Variants in SLC35A2 observed in about 807,000 individuals in gnomAD.
SLC35A2 encodes UDP-galactose translocator.
A neutral mutation model predicts 17.3 loss-of-function variants in SLC35A2; 1 was observed. The ratio of observed to expected loss-of-function variants is 0.06; its 90% CI spans 0.02 to 0.27. The LOEUF is 0.27. SLC35A2 is among the 10% of genes least tolerant of loss of function. SLC35A2 has a pLI of 1.00. For missense variants in SLC35A2, 191 were observed against 339.3 expected (o/e 0.56, Z 3.43); for synonymous variants, 161 against 161.3 (o/e 1.00, Z 0.01).
At position 48,906,362 on chromosome X, in the gene SLC35A2, CT is replaced by C. The variant is rs1569511255; in HGVS notation, c.426+29del. The C allele has an allele frequency of 2.5e-6, 3 of 1,199,613 alleles. No individual in the cohort carries two copies. In the East Asian group the frequency reaches 8.9e-5, roughly 36 times the overall value. On this transcript the variant is annotated intron_variant, in intron 3 of 4. Transcript: ENST00000247138. ...CTCCAGTCCCCAACCCAGTTAGTTCCTCTGGGGCCATGCTGGGCTTGGGGCT... is the reference window on the plus strand; with the variant it reads ...CTCCAGTCCCCAACCCAGTTAGTTCCCTGGGGCCATGCTGGGCTTGGGGCT...
Position 48,910,234 on chromosome X carries a change from C to A in SLC35A2, c.92-238G>T, listed in dbSNP as rs782447918. On this transcript the variant is annotated intron_variant, in intron 1 of 4. Transcript: ENST00000247138. Reference sequence around the variant, plus strand: ...GGCCCCACCCTGTCCCAGTCCATACCTGGAATCCTTACTGAGGTGTCAGGT... The same window carrying A: ...GGCCCCACCCTGTCCCAGTCCATACATGGAATCCTTACTGAGGTGTCAGGT... 16 of 1,139,938 alleles carry A rather than the reference C, an allele frequency of 1.4e-5. No homozygotes were observed. In the South Asian group the frequency reaches 3.1e-4, roughly 22 times the overall value. 93.9% of individuals were successfully genotyped at this position (1,139,938 alleles called of 1,213,427 possible).
At chrX:48,905,543 G>T in intron 3 of SLC35A2, 61 bp from the exon 4 acceptor site, 1 of 1,041,739 alleles carries the variant, frequency 9.6e-7, no homozygotes, top group Non-Finnish European at 1.3e-6. Flanking sequence ...GTGCACATGG[G>T]GGGCAGCACC....
chrX:48,906,312 A>ACC, intron 3 of SLC35A2, 80 bp downstream of exon 3: 2 of 937,337 alleles, frequency 2.1e-6, no homozygotes, highest in Non-Finnish European at 3.0e-6. Flanking sequence ...CCTCTGCAAC[A>ACC]CCCCCCCACC....
At chrX:48,905,949 C>A in intron 3 of SLC35A2, 1 of 289,898 alleles carries the variant, frequency 3.4e-6, no homozygotes, top group Non-Finnish European at 6.0e-6. Context: ...TCTCACAACA[C>A]CATTCTGAAG....
Position 48,903,910 on chromosome X carries a change from ATGAT to A in SLC35A2, c.1164-449_1164-446del, listed in dbSNP as rs35420953. On this transcript the variant is annotated intron_variant, in intron 4 of 4. Transcript: ENST00000247138. ...ACACAGCCAGACGGATATCAAGAGTATGATTGGTAGCTTTTTCCTCTCCTAGACA... is the reference window on the plus strand; with the variant it reads ...ACACAGCCAGACGGATATCAAGAGTATGGTAGCTTTTTCCTCTCCTAGACA... The A allele has an allele frequency of 1.6e-3, 1,232 of 769,371 alleles. 1 individual carries two copies. Among genetic ancestry groups the A allele is most frequent in the Non-Finnish European group, 1.8e-3 (1,156 of 650,326 alleles). The allele number at this position is 769,371 out of a possible 1,213,427, so 63.4% of individuals were successfully genotyped here.
chrX:48,911,938 C>T (rs1557044245), upstream of SLC35A2: 100 of 1,165,669 alleles, frequency 8.6e-5, no homozygotes, highest in Non-Finnish European at 5.7e-6. Context: ...ACTGATCGCG[C>T]TTTCCAGATC....
chrX:48,903,338 CT>C lies in SLC35A2; in HGVS notation c.*99del. The C allele has an allele frequency of 1.8e-6, 1 of 571,320 alleles. No individual in the cohort carries two copies. The highest frequency in any genetic ancestry group is 3.1e-6 in the Non-Finnish European group (1 of 319,624). 47.1% of individuals were successfully genotyped at this position (571,320 alleles called of 1,213,427 possible). Reference sequence around the variant, plus strand: ...GTGGTGGGGACAGGGAGTCCAGTGTCTACCTCACTCTACCCCTAATACTGAT... The same window carrying C: ...GTGGTGGGGACAGGGAGTCCAGTGTCACCTCACTCTACCCCTAATACTGAT... On this transcript the variant is annotated 3_prime_UTR_variant, in exon 5 of 5. Transcript: ENST00000247138.
intron 1 of SLC35A2, among the ~76,000 whole-genome samples, chrX:48,910,530 T>C (rs1037991137): frequency 9.0e-6 from 1 of 111,690 alleles, no homozygotes; most frequent in East Asian, 2.8e-4. Context: ...CTGTCTCATG[T>C]AAAGAATAAC....
At chrX:48,907,393 G>A (rs1161164102) in intron 2 of SLC35A2, among the ~76,000 whole-genome samples, 8 of 107,331 alleles carry the variant, frequency 7.5e-5, no homozygotes, top group African/African-American at 1.7e-4. Context: ...GACTACAGGC[G>A]CGTGCCACCA....
At chrX:48,905,602 A>G (rs965210872) in intron 3 of SLC35A2, 120 bp from the exon 4 acceptor site, 13 of 606,580 alleles carry the variant, frequency 2.1e-5, no homozygotes, top group African/African-American at 4.5e-5. Context: ...GGGGTATGAC[A>G]GCAAAAACAG....
intron 2 of SLC35A2, among the ~76,000 whole-genome samples, chrX:48,908,818 T>A (rs2063511097): frequency 1.8e-5 from 2 of 112,094 alleles, no homozygotes; most frequent in African/African-American, 6.5e-5. Context: ...TTCTCTTCAA[T>A]GTAAACAAAG....
chrX:48,911,722 G>A (rs1006985677), upstream of SLC35A2: 35 of 1,154,380 alleles, frequency 3.0e-5, no homozygotes, highest in Non-Finnish European at 4.0e-5. Context: ...CCTGAGTGAA[G>A]GTGGAGCGAG....
intron 4 of SLC35A2, chrX:48,904,467 C>G (rs2063470169): frequency 9.1e-7 from 1 of 1,096,784 alleles, no homozygotes; most frequent in African/African-American, 1.9e-5. Context: ...CCCAACCCTG[C>G]CTCCAAAGAG....
intron 1 of SLC35A2, 173 bp from the exon 2 acceptor site, chrX:48,910,169 T>C (rs782428095): frequency 8.1e-4 from 759 of 938,754 alleles, no homozygotes; most frequent in Admixed American, 1.5e-3. Flanking sequence ...ACCGGCTTAC[T>C]GCCTCAGCCA....
intron 4 of SLC35A2, chrX:48,904,238 G>C (rs1457712456): frequency 3.4e-6 from 3 of 875,057 alleles, no homozygotes; most frequent in Non-Finnish European, 4.2e-6. Flanking sequence ...ACATGATCCA[G>C]AGCGGTGGTA....
chrX:48,904,710 C>T (rs1557042591), intron 4 of SLC35A2, 36 bp downstream of exon 4: 20 of 1,211,443 alleles, frequency 1.7e-5, no homozygotes, highest in South Asian at 5.3e-5. Flanking sequence ...CTTGTGTCCC[C>T]CCATTGCTGC....
chrX:48,903,313 G>C lies in SLC35A2; in HGVS notation c.*125C>G, dbSNP rs1030376983. 39 of 615,086 alleles carry C rather than the reference G, an allele frequency of 6.3e-5. No homozygotes were observed. In the African/African-American group the frequency reaches 7.7e-4, roughly 12 times the overall value. The allele number at this position is 615,086 out of a possible 1,213,427, so 50.7% of individuals were successfully genotyped here. ...CATGTTGGCCCTGGGTGGGGCAGGG[G>C]TGGTGGGGACAGGGAGTCCAGTGTC... On this transcript the variant is annotated 3_prime_UTR_variant, in exon 5 of 5. Coordinates refer to ENST00000247138, the MANE Select transcript of SLC35A2 (RefSeq NM_005660.3).
rs1199079627 is a variant in SLC35A2 at position 48,909,987 on chromosome X, C to A, written c.101G>T (p.Arg34Leu). 2 of 1,206,207 alleles carry A rather than the reference C, an allele frequency of 1.7e-6. No individual in the cohort carries two copies. Among genetic ancestry groups the A allele is most frequent in the African/African-American group, 3.5e-5 (2 of 57,211 alleles). ...CACAGCTAGGGATATGTACTTCAGGCGCCTGTGAGCTGTGGGGAACGGAAG... is the reference window on the plus strand; with the variant it reads ...CACAGCTAGGGATATGTACTTCAGGAGCCTGTGAGCTGTGGGGAACGGAAG... ...EPGTASAAHR[R>L]LKYISLAVLV... Residue 34 changes from arginine (R) to leucine (L), a missense_variant, in exon 2 of 5, where the codon CGC (arginine) becomes CTC (leucine). Physicochemically the swap from Arg to Leu is moderately radical, Grantham distance 102. Coordinates refer to ENST00000247138, the MANE Select transcript of SLC35A2 (RefSeq NM_005660.3).
At chrX:48,906,702 T>C (rs1316690564) in intron 2 of SLC35A2, among the ~76,000 whole-genome samples, 159 bp from the exon 3 acceptor site, 3 of 112,034 alleles carry the variant, frequency 2.7e-5, no homozygotes, top group Non-Finnish European at 5.6e-5. Flanking sequence ...TTCCCTAGAG[T>C]ACAACCATGT....
Sources: gnomAD v4.1 joint callset for allele counts (sites outside exome capture counted in the v4.1 genomes callset) on GRCh38, gnomAD v4.1.1 for gene constraint, MANE v1.5 for transcripts, NCBI Gene and HGNC (gene_info 2026-07-23, HGNC 2026-07-21) for gene names.